The following ELAVL2 variants were observed in gnomAD, a reference collection of about 807,000 sequenced individuals.
ELAVL2 encodes the protein ELAV like RNA binding protein 2.
Under a neutral mutation model 34.6 loss-of-function variants are expected in ELAVL2, and 4 were observed. The ratio of observed to expected loss-of-function variants is 0.12; its 90% CI spans 0.06 to 0.26. ELAVL2 has a LOEUF of 0.26. Among genes scored for constraint, ELAVL2 ranks in the 10% least tolerant of loss-of-function variants. The pLI is 1.00. For synonymous variants in ELAVL2, 193 were observed against 154.8 expected (o/e 1.25, Z -1.83); for missense variants, 432 against 442.8 (o/e 0.98, Z 0.22).
At chr9:23,822,978 A>G (rs2138644047) in intron 1 of ELAVL2, among the ~76,000 whole-genome samples, 1 of 152,226 alleles carries the variant, frequency 6.6e-6, no homozygotes, top group East Asian at 1.9e-4. Context: ...GGTGTGGGAG[A>G]GGCAAATTTG....
At chr9:23,776,374 C>A (rs561621801) in intron 1 of ELAVL2, among the ~76,000 whole-genome samples, 27 of 152,202 alleles carry the variant, frequency 1.8e-4, no homozygotes, top group Middle Eastern at 3.4e-3. Context: ...CACCATCTCA[C>A]AGTTCAAAAT....
intron 2 of ELAVL2, among the ~76,000 whole-genome samples, chr9:23,745,589 T>A (rs1313837642): frequency 6.6e-6 from 1 of 152,196 alleles, no homozygotes; most frequent in African/African-American, 2.4e-5. Flanking sequence ...TAGACTTGCA[T>A]CTTTTCAAGG....
the ELAVL2 span, among the ~76,000 whole-genome samples, chr9:23,836,505 T>C: frequency 6.6e-6 from 1 of 152,152 alleles, no homozygotes; most frequent in Admixed American, 6.5e-5. Context: ...TGAAGATACA[T>C]GTGTCTCCAT....
chr9:23,784,446 T>C (rs749303585), intron 1 of ELAVL2, among the ~76,000 whole-genome samples: 4 of 152,164 alleles, frequency 2.6e-5, no homozygotes, highest in Non-Finnish European at 5.9e-5. Context: ...ACTACATATA[T>C]GTAATACTTG....
rs78510053 is a variant in ELAVL2 at position 23,801,796 on chromosome 9, A to G, written c.-16+24010T>C. Among the ~76,000 whole-genome samples, 35 of 152,340 alleles carry G rather than the reference A, an allele frequency of 2.3e-4. 1 individual carries two copies. The South Asian group carries it at 6.6e-3, about 29-fold the overall frequency. ...TGTGGAATCATACACAGAAAAATAA[A>G]TGGGCACCCTTCACTACCAACACCC... On this transcript the variant is annotated intron_variant, in intron 1 of 6. Coordinates refer to ENST00000397312, the MANE Select transcript of ELAVL2 (RefSeq NM_004432.5).
chr9:23,739,728 T>C (rs1449338923), intron 2 of ELAVL2, among the ~76,000 whole-genome samples: 1 of 152,058 alleles, frequency 6.6e-6, no homozygotes, highest in African/African-American at 2.4e-5. Flanking sequence ...GCATCTGCTG[T>C]TGCTTGTGCG....
At chr9:23,848,653 C>G in the ELAVL2 span, among the ~76,000 whole-genome samples, 1 of 152,134 alleles carries the variant, frequency 6.6e-6, no homozygotes, top group South Asian at 2.1e-4. Context: ...TATTGCAATA[C>G]AATCATTTTT....
chr9:23,718,422 T>A (rs545082563), intron 3 of ELAVL2, among the ~76,000 whole-genome samples: 48 of 152,284 alleles, frequency 3.2e-4, no homozygotes, highest in Non-Finnish European at 4.7e-4. Flanking sequence ...GGAAGCCAGC[T>A]CACTTTCTTT....
intron 3 of ELAVL2, among the ~76,000 whole-genome samples, chr9:23,716,707 G>T (rs537170696): frequency 1.9e-4 from 29 of 152,144 alleles, no homozygotes; most frequent in Non-Finnish European, 3.2e-4. Flanking sequence ...GAAAGGAAAT[G>T]TATAGTTAAG....
rs1438079212 is a variant in ELAVL2 at position 23,811,422 on chromosome 9, G to A, written c.-16+14384C>T. ...CTCAGAACACCAAGCACTGGCATGA[G>A]AAAGCCATAGTCAGCAGCCCAGACA... On this transcript the variant is annotated intron_variant, in intron 1 of 6. Coordinates refer to ENST00000397312, the MANE Select transcript of ELAVL2 (RefSeq NM_004432.5). Among the ~76,000 whole-genome samples, 4 of 152,060 alleles carry A rather than the reference G, an allele frequency of 2.6e-5. No homozygotes were observed. In the East Asian group the frequency reaches 7.7e-4, roughly 29 times the overall value.
chr9:23,694,753 C>T (rs1158057737), intron 5 of ELAVL2, among the ~76,000 whole-genome samples: 1 of 152,190 alleles, frequency 6.6e-6, no homozygotes, highest in Non-Finnish European at 1.5e-5. Context: ...CCTCAGTCTC[C>T]ACTGAAAATT....
the ELAVL2 span, among the ~76,000 whole-genome samples, chr9:23,839,733 C>T: frequency 6.6e-6 from 1 of 152,060 alleles, no homozygotes; most frequent in Non-Finnish European, 1.5e-5. Flanking sequence ...TATAGCAGCT[C>T]CTTGAGTTTC....
Position 23,692,973 on chromosome 9 carries a change from C to G in ELAVL2, c.753-89G>C, listed in dbSNP as rs1019292500. 5.6e-6 allele frequency: 7 copies of G among 1,244,508 alleles called. No individual in the cohort carries two copies. In the African/African-American group the frequency reaches 1.1e-4, roughly 19 times the overall value. 77.1% of individuals were successfully genotyped at this position (1,244,508 alleles called of 1,614,324 possible). On this transcript the variant is annotated intron_variant, in intron 6 of 6. Transcript: ENST00000397312. ...CAATGAACGTATACCTTTTCCATCC[C>G]CAAGAATTTTAGTAACTCTCCTCCC...
chr9:23,753,219 G>C (rs2052594810), intron 2 of ELAVL2, among the ~76,000 whole-genome samples: 1 of 152,122 alleles, frequency 6.6e-6, no homozygotes, highest in Non-Finnish European at 1.5e-5. Context: ...ACACTCTGAG[G>C]GTTTCCACAG....
intron 1 of ELAVL2, among the ~76,000 whole-genome samples, chr9:23,807,717 G>T (rs1345913603): frequency 6.6e-6 from 1 of 152,084 alleles, no homozygotes; most frequent in South Asian, 2.1e-4. Flanking sequence ...ACACAACTGT[G>T]GATGAATTAG....
chr9:23,793,012 A>G (rs1200199323), intron 1 of ELAVL2, among the ~76,000 whole-genome samples: 1 of 152,090 alleles, frequency 6.6e-6, no homozygotes, highest in African/African-American at 2.4e-5. Flanking sequence ...CCTGGCCTCA[A>G]GCAATCCCTC....
chr9:23,793,559 A>G (rs935947032), intron 1 of ELAVL2, among the ~76,000 whole-genome samples: 24 of 152,074 alleles, frequency 1.6e-4, no homozygotes, highest in Non-Finnish European at 5.9e-5. Flanking sequence ...GATTTTCCCA[A>G]TTTTCAACGA....
the ELAVL2 span, among the ~76,000 whole-genome samples, chr9:23,848,353 C>T: frequency 6.6e-6 from 1 of 152,182 alleles, no homozygotes; most frequent in Non-Finnish European, 1.5e-5. Flanking sequence ...CTAATCTAAA[C>T]TCTTCTTTTT....
intron 2 of ELAVL2, among the ~76,000 whole-genome samples, chr9:23,746,005 G>A (rs1402214162): frequency 6.6e-6 from 1 of 152,128 alleles, no homozygotes; most frequent in Non-Finnish European, 1.5e-5. Context: ...ATCAAAAGGG[G>A]GAGGAAGTCA....
Sources: allele counts gnomAD v4.1 joint callset (sites outside exome capture counted in the v4.1 genomes callset), GRCh38; gene constraint gnomAD v4.1.1; transcripts MANE v1.5; gene names NCBI Gene and HGNC (gene_info 2026-07-23, HGNC 2026-07-21).